Variants in MTUS1 observed in about 807,000 individuals in gnomAD.
MTUS1 encodes the protein microtubule associated scaffold protein 1.
A neutral mutation model predicts 120.8 loss-of-function variants in MTUS1; 109 were observed. The observed-to-expected ratio is 0.90, with a 90% CI of 0.77 to 1.06. The LOEUF is 1.06. Among genes scored for constraint, MTUS1 ranks in the 50% least tolerant of loss-of-function variants. MTUS1 has a pLI of 0.00. For missense variants in MTUS1, 2,210 were observed against 1,486.3 expected, an observed-to-expected ratio of 1.49 and a Z score of -8.01; for synonymous variants, 737 against 550.5, an observed-to-expected ratio of 1.34 and a Z score of -4.74.
At position 17,685,464 on chromosome 8, in the gene MTUS1, G is replaced by C. The variant is rs1343922086; in HGVS notation, c.2624-922C>G. Among the ~76,000 whole-genome samples the C allele has an allele frequency of 4.8e-5, 7 of 146,882 alleles. No individual in the cohort carries two copies. In the East Asian group the frequency reaches 1.4e-3, roughly 29 times the overall value. On this transcript the variant is annotated intron_variant, in intron 6 of 14. Transcript: ENST00000693296. ...CAAACAAATGTAAATCTGGAAAAAA[G>C]ACACAAGAAACTAAAAAAAAAAAAA... is the stretch of plus-strand genomic sequence containing the variant.
At chr8:17,780,584 G>T (rs2050799258) in intron 1 of MTUS1, among the ~76,000 whole-genome samples, 1 of 152,100 alleles carries the variant, frequency 6.6e-6, no homozygotes, top group Non-Finnish European at 1.5e-5. Flanking sequence ...TCTCTCCCCA[G>T]TAGCAACTCC....
At chr8:17,703,842 T>C (rs1819611482) in intron 6 of MTUS1, 1 of 152,344 alleles carries the variant, frequency 6.6e-6, no homozygotes, top group Admixed American at 6.5e-5. Context: ...CTGATTTTGC[T>C]CTGGTCCTGT....
Position 17,754,258 on chromosome 8 carries a change from C to G in MTUS1, c.1550G>C (p.Arg517Thr), listed in dbSNP as rs767968487. The change falls in exon 2 of 15, where the codon AGA becomes ACA. Residue 517 changes from arginine (R) to threonine (T), a missense_variant. Coordinates refer to ENST00000693296, the MANE Select transcript of MTUS1 (RefSeq NM_001363059.2). ...AGCATCTTTGGGCTGCAACACTGCT[C>G]TAGACATAACTTTTGCTTTGACATT... ...FKNVKAKVMS[R>T]AVLQPKDAAL... is the part of the protein sequence containing the mutation. 6.2e-7 allele frequency: 1 copy of G among 1,614,040 alleles called. No homozygotes were observed. Among genetic ancestry groups the G allele is most frequent in the Non-Finnish European group, 8.5e-7 (1 of 1,180,020 alleles).
At chr8:17,660,551 G>A (rs1348736852) in intron 8 of MTUS1, among the ~76,000 whole-genome samples, 1 of 152,102 alleles carries the variant, frequency 6.6e-6, no homozygotes, top group Non-Finnish European at 1.5e-5. Context: ...TATATACCCA[G>A]AAGGAATTGC....
chr8:17,756,761 A>T (rs2048656552), intron 1 of MTUS1, among the ~76,000 whole-genome samples: 1 of 146,116 alleles, frequency 6.8e-6, no homozygotes, highest in African/African-American at 2.5e-5. Flanking sequence ...GTGCTGATCC[A>T]ACAGAGCTGG....
At chr8:17,684,657 C>T (rs1585676213) in intron 6 of MTUS1, 115 bp from the exon 7 acceptor site, 1 of 814,994 alleles carries the variant, frequency 1.2e-6, no homozygotes, top group Non-Finnish European at 2.0e-6. Flanking sequence ...AGTTATGTTG[C>T]TGTAAGGAAT....
intron 1 of MTUS1, among the ~76,000 whole-genome samples, chr8:17,760,177 C>T (rs944581888): frequency 3.3e-5 from 5 of 151,532 alleles, no homozygotes; most frequent in Non-Finnish European, 7.4e-5. Context: ...GATCATGCCA[C>T]CACACTTCAG....
intron 3 of MTUS1, among the ~76,000 whole-genome samples, chr8:17,726,660 A>G (rs2046248453): frequency 6.6e-6 from 1 of 152,188 alleles, no homozygotes; most frequent in Admixed American, 6.5e-5. Flanking sequence ...CATCCTTTAC[A>G]ATAATTAGCA....
chr8:17,747,433 C>T (rs1047909367), intron 2 of MTUS1, among the ~76,000 whole-genome samples: 1 of 152,138 alleles, frequency 6.6e-6, no homozygotes, highest in Non-Finnish European at 1.5e-5. Context: ...ACTTAGCAAT[C>T]AACATACCCT....
At chr8:17,758,974 C>T (rs1307874098) in intron 1 of MTUS1, among the ~76,000 whole-genome samples, 2 of 152,266 alleles carry the variant, frequency 1.3e-5, no homozygotes, top group East Asian at 1.9e-4. Flanking sequence ...GTCCGCCTCC[C>T]GGGTTCAAGC....
intron 7 of MTUS1, among the ~76,000 whole-genome samples, chr8:17,679,982 C>T (rs1211627628): frequency 6.6e-6 from 1 of 152,156 alleles, no homozygotes; most frequent in Non-Finnish European, 1.5e-5. Flanking sequence ...ATTAAAGCTG[C>T]TGGGGTGGTT....
In MTUS1 at chr8:17,645,845, G is replaced by A; in HGVS notation, c.*81C>T. ...TCACACGTGTGCTGATATACCTCTT[G>A]TGCCCACGTTCCTCCTTGGGGTCAG... On this transcript the variant is annotated 3_prime_UTR_variant, in exon 15 of 15. Coordinates refer to ENST00000693296, the MANE Select transcript of MTUS1 (RefSeq NM_001363059.2). 6.6e-7 allele frequency: 1 copy of A among 1,511,088 alleles called. No individual in the cohort carries two copies. The highest frequency in any genetic ancestry group is 2.4e-5 in the East Asian group (1 of 41,796). The allele number at this position is 1,511,088 out of a possible 1,614,324, so 93.6% of individuals were successfully genotyped here.
chr8:17,754,923 A>C lies in MTUS1; in HGVS notation c.885T>G (p.Val295=). 1 of 1,614,154 alleles carries C rather than the reference A, an allele frequency of 6.2e-7. No individual in the cohort carries two copies. The highest frequency in any genetic ancestry group is 8.5e-7 in the Non-Finnish European group (1 of 1,179,996). ...CATTGGGGACTTCCATGCCATCAGA[A>C]ACTGGTGTTAGTGCTTGTGTCTCCT... ...GEKETQALTP[V]SDGMEVPNDS... is the part of the protein sequence containing the mutation. The change falls in exon 2 of 15, where the codon GTT becomes GTG. Residue 295 remains valine (V), a synonymous_variant. Coordinates refer to ENST00000693296, the MANE Select transcript of MTUS1 (RefSeq NM_001363059.2).
intron 3 of MTUS1, among the ~76,000 whole-genome samples, chr8:17,739,272 T>A (rs1378284998): frequency 6.6e-6 from 1 of 152,130 alleles, no homozygotes; most frequent in African/African-American, 2.4e-5. Context: ...GGCGGGTGGA[T>A]CACCTGAGGT....
At chr8:17,703,142 C>G (rs1819438598) in intron 6 of MTUS1, among the ~76,000 whole-genome samples, 1 of 152,196 alleles carries the variant, frequency 6.6e-6, no homozygotes, top group African/African-American at 2.4e-5. Flanking sequence ...ACCATAAGGT[C>G]TGACTGCCTG....
intron 3 of MTUS1, among the ~76,000 whole-genome samples, chr8:17,726,019 A>ACACACCC (rs1440138383): frequency 1.3e-5 from 2 of 151,934 alleles, no homozygotes; most frequent in Non-Finnish European, 2.9e-5. Context: ...CTTCATACAC[A>ACACACCC]CACACCCCTT....
At position 17,653,183 on chromosome 8, in the gene MTUS1, T is replaced by TA; in HGVS notation, c.3384+2dup. On this transcript the variant is annotated splice_region_variant and intron_variant, in intron 12 of 14. Transcript: ENST00000693296. ...TACTGATAAAGGAGCACACACAACT[T>TA]ACCAAATTTGCTTTTTCTCTTGCTC... 1 of 1,517,750 alleles carries TA rather than the reference T, an allele frequency of 6.6e-7. No individual in the cohort carries two copies. The highest frequency in any genetic ancestry group is 8.9e-7 in the Non-Finnish European group (1 of 1,129,016). The allele number at this position is 1,517,750 out of a possible 1,614,324, so 94.0% of individuals were successfully genotyped here.
rs996734799 is a variant in MTUS1, at chr8:17,755,870, G to A, written c.-63C>T. ...TTCTTCAATTCCTTTTAAATGAGAG[G>A]GTGGGCAAAATGGTCTGTCTTCTAG... On this transcript the variant is annotated 5_prime_UTR_variant, in exon 2 of 15. Transcript: ENST00000693296. 8.8e-5 allele frequency: 136 copies of A among 1,540,458 alleles called. 4 individuals are homozygous for A. The Admixed American group carries it at 2.3e-3, about 27-fold the overall frequency.
intron 8 of MTUS1, among the ~76,000 whole-genome samples, chr8:17,664,819 G>A (rs1298386882): frequency 6.6e-6 from 1 of 152,050 alleles, no homozygotes; most frequent in Non-Finnish European, 1.5e-5. Context: ...GGTCTGATCT[G>A]GTTTGAAACT....
Sources: gnomAD v4.1 joint callset for allele counts (sites outside exome capture counted in the v4.1 genomes callset) on GRCh38, gnomAD v4.1.1 for gene constraint, MANE v1.5 for transcripts, NCBI Gene and HGNC (gene_info 2026-07-23, HGNC 2026-07-21) for gene names.